NAV2: variants seen among roughly 807,000 people sequenced by gnomAD.
The protein encoded by NAV2 is neuron navigator 2, also known as helicase, APC down-regulated 1.
In NAV2, 54 loss-of-function variants were observed where a neutral mutation model predicts 223.2. That is an observed-to-expected ratio of 0.24 (90% CI 0.19 to 0.30). NAV2 has a LOEUF of 0.30. Ranked by LOEUF, NAV2 falls within the 10% of genes least tolerant of loss-of-function variation. The pLI is 1.00. For missense variants in NAV2, 2,806 were observed against 3,147.5 expected, an observed-to-expected ratio of 0.89 and a Z score of 2.60; for synonymous variants, 1,279 against 1,239.3, an observed-to-expected ratio of 1.03 and a Z score of -0.67.
Position 19,759,325 on chromosome 11 carries a change from C to T in NAV2, c.267+45363C>T, listed in dbSNP as rs191357827. Among the ~76,000 whole-genome samples, 26 of 152,056 alleles carry T rather than the reference C, an allele frequency of 1.7e-4. No individual in the cohort carries two copies. In the East Asian group the frequency reaches 2.3e-3, roughly 14 times the overall value. On this transcript the variant is annotated intron_variant, in intron 1 of 37. Coordinates refer to ENST00000349880, the MANE Select transcript of NAV2 (RefSeq NM_145117.5). The stretch of plus-strand genomic sequence containing the variant: ...GTCTCGATCTGCTGACCTCGTGATC[C>T]GCCTGCCTCTGCCTCCCAAAGTGCT...
At chr11:19,790,765 C>T (rs1477625255) in intron 1 of NAV2, among the ~76,000 whole-genome samples, 3 of 151,832 alleles carry the variant, frequency 2.0e-5, no homozygotes, top group Non-Finnish European at 1.5e-5. Context: ...GCAACCAGCA[C>T]ATCATGCAAC....
At position 20,045,570 on chromosome 11, in the gene NAV2, G is replaced by T. The variant is rs762390171; in HGVS notation, c.3802G>T (p.Val1268Leu). Residue 1268 changes from valine to leucine, a missense_variant, in exon 14 of 38, where the codon GTG (valine) becomes TTG (leucine). Val to Leu is a conservative substitution (Grantham distance 32). Coordinates refer to ENST00000349880, the MANE Select transcript of NAV2 (RefSeq NM_145117.5). ...CGAGAGTGTGGCTTCCTGTAACTCG[G>T]TGAAAGTGAATCCGGCAGCCCAGCC... is the stretch of plus-strand genomic sequence containing the variant. ...DNESVASCNS[V>L]KVNPAAQPVS... 14 of 1,614,072 alleles carry T rather than the reference G, an allele frequency of 8.7e-6. No homozygotes were observed. The African/African-American group carries it at 1.9e-4, about 22-fold the overall frequency.
chr11:19,813,884 G>T (rs1381844117), intron 1 of NAV2, among the ~76,000 whole-genome samples: 2 of 152,154 alleles, frequency 1.3e-5, no homozygotes, highest in African/African-American at 2.4e-5. Flanking sequence ...TGTTGGCAGG[G>T]TCTCTGGGGA....
intron 1 of NAV2, among the ~76,000 whole-genome samples, chr11:19,780,026 T>C (rs980617197): frequency 9.9e-5 from 15 of 152,226 alleles, no homozygotes; most frequent in African/African-American, 3.6e-4. Context: ...GAAAATGCAT[T>C]GTTTTGTTTG....
chr11:19,752,708 A>C (rs1229716221), intron 1 of NAV2, among the ~76,000 whole-genome samples: 3 of 152,164 alleles, frequency 2.0e-5, no homozygotes, highest in Non-Finnish European at 2.9e-5. Flanking sequence ...CTCATTCCTG[A>C]CCATTGGACA....
chr11:19,773,030 A>G (rs1590413927), intron 1 of NAV2, among the ~76,000 whole-genome samples: 1 of 152,330 alleles, frequency 6.6e-6, no homozygotes, highest in South Asian at 2.1e-4. Flanking sequence ...TCCACTGATG[A>G]GTAGCTCTTG....
chr11:19,991,287 G>A (rs778040007), intron 11 of NAV2, among the ~76,000 whole-genome samples: 23 of 151,952 alleles, frequency 1.5e-4, no homozygotes, highest in African/African-American at 4.6e-4. Flanking sequence ...CACTGCACCC[G>A]GCTAATTTTT....
chr11:20,089,194 G>A (rs2060656368), intron 26 of NAV2, among the ~76,000 whole-genome samples: 1 of 152,142 alleles, frequency 6.6e-6, no homozygotes, highest in Non-Finnish European at 1.5e-5. Flanking sequence ...TCATTTTCAG[G>A]AGTTCTTTGG....
intron 1 of NAV2, among the ~76,000 whole-genome samples, chr11:19,454,120 T>C (rs1260845597): frequency 1.3e-5 from 2 of 152,118 alleles, no homozygotes; most frequent in Non-Finnish European, 2.9e-5. Flanking sequence ...CCTGGAGGCA[T>C]TGTGATTCAG....
At chr11:19,911,082 C>T (rs955392934) in intron 6 of NAV2, among the ~76,000 whole-genome samples, 6 of 142,248 alleles carry the variant, frequency 4.2e-5, no homozygotes, top group African/African-American at 1.6e-4. Context: ...AAGGACAGGG[C>T]TTAGCAAATA....
chr11:19,349,318 A>C (rs1400197014), upstream of NAV2, among the ~76,000 whole-genome samples: 1 of 152,160 alleles, frequency 6.6e-6, no homozygotes, highest in Non-Finnish European at 1.5e-5. Context: ...AGCATCTGCT[A>C]GTCCTTCTCC....
intron 1 of NAV2, among the ~76,000 whole-genome samples, chr11:19,573,861 G>A (rs1347631706): frequency 6.6e-6 from 1 of 152,184 alleles, no homozygotes; most frequent in Non-Finnish European, 1.5e-5. Flanking sequence ...CTCTTGGCAA[G>A]GGTGCTGTGT....
chr11:20,062,668 A>T (rs2153627121), intron 20 of NAV2, among the ~76,000 whole-genome samples: 1 of 152,250 alleles, frequency 6.6e-6, no homozygotes, highest in East Asian at 1.9e-4. Context: ...CAATTTATTA[A>T]TCCTTTGTCT....
chr11:20,112,495 C>T (rs1385040541), intron 36 of NAV2, among the ~76,000 whole-genome samples: 10 of 152,170 alleles, frequency 6.6e-5, no homozygotes, highest in Non-Finnish European at 1.5e-4. Context: ...GCTTCCCTGA[C>T]AGAAATCATA....
At chr11:19,653,520 A>G (rs977935649) in intron 1 of NAV2, among the ~76,000 whole-genome samples, 1 of 152,206 alleles carries the variant, frequency 6.6e-6, no homozygotes, top group Non-Finnish European at 1.5e-5. Context: ...AACTCAGGTG[A>G]TGCAGCTTAT....
chr11:19,619,546 C>T (rs1489613326), intron 1 of NAV2, among the ~76,000 whole-genome samples: 1 of 152,200 alleles, frequency 6.6e-6, no homozygotes, highest in Non-Finnish European at 1.5e-5. Context: ...CTGTTGGCTG[C>T]ATAAATGTCT....
chr11:19,858,788 C>T (rs1350721521), intron 3 of NAV2, among the ~76,000 whole-genome samples: 1 of 152,198 alleles, frequency 6.6e-6, no homozygotes, highest in African/African-American at 2.4e-5. Context: ...TGACAAATTA[C>T]ATATTCGGAG....
chr11:19,716,737 T>C (rs1423982655), intron 1 of NAV2, among the ~76,000 whole-genome samples: 2 of 152,204 alleles, frequency 1.3e-5, no homozygotes, highest in Non-Finnish European at 2.9e-5. Flanking sequence ...TTAAATCAGG[T>C]CTGATACATC....
At chr11:19,704,967 T>C (rs2049616561) in intron 1 of NAV2, among the ~76,000 whole-genome samples, 3 of 142,050 alleles carry the variant, frequency 2.1e-5, no homozygotes, top group South Asian at 2.2e-4. Context: ...GCAGAGATCA[T>C]GCCACTGCAC....
Sources: allele counts gnomAD v4.1 joint callset (sites outside exome capture counted in the v4.1 genomes callset), GRCh38; gene constraint gnomAD v4.1.1; transcripts MANE v1.5; gene names NCBI Gene and HGNC (gene_info 2026-07-23, HGNC 2026-07-21).